FAAH2: variants seen among roughly 807,000 people sequenced by gnomAD.
FAAH2 encodes the protein fatty-acid amide hydrolase 2.
A neutral mutation model predicts 36.9 loss-of-function variants in FAAH2; 60 were observed. That is an observed-to-expected ratio of 1.63 (90% CI 1.32 to 2.02). FAAH2 has a LOEUF of 2.02. Ranked by LOEUF, FAAH2 falls within the 30% of genes most tolerant of loss-of-function variation. FAAH2 has a pLI of 0.00. For missense variants in FAAH2, 689 were observed against 397.5 expected, an observed-to-expected ratio of 1.73 and a Z score of -6.23; for synonymous variants, 214 against 143.8, an observed-to-expected ratio of 1.49 and a Z score of -3.49.
chrX:57,244,677 T>A, the FAAH2 span, among the ~76,000 whole-genome samples: 1 of 111,413 alleles, frequency 9.0e-6, no homozygotes, highest in African/African-American at 3.3e-5. Flanking sequence ...ACAAGCAAAT[T>A]CTGAGAGATT....
At chrX:57,323,253 T>G (rs961947569) in intron 3 of FAAH2, among the ~76,000 whole-genome samples, 2 of 111,820 alleles carry the variant, frequency 1.8e-5, no homozygotes, top group Admixed American at 9.5e-5. Context: ...TTTGGGTTGG[T>G]TCCAAGTCTT....
intron 3 of FAAH2, among the ~76,000 whole-genome samples, chrX:57,312,672 C>CAA (rs5902564): frequency 0.52 from 51,650 of 98,936 alleles, 13,120 homozygotes; most frequent in Non-Finnish European, 0.73. Flanking sequence ...AAAACTCCAT[C>CAA]AAAAAAAAAA....
chrX:57,409,078 G>C (rs775145183), intron 7 of FAAH2, among the ~76,000 whole-genome samples: 1 of 111,245 alleles, frequency 9.0e-6, no homozygotes, highest in South Asian at 3.7e-4. Flanking sequence ...ACTGAAAATT[G>C]TAGGCAATTT....
chrX:57,261,573 AAAG>A, the FAAH2 span, among the ~76,000 whole-genome samples: 1 of 107,924 alleles, frequency 9.3e-6, no homozygotes, highest in African/African-American at 3.3e-5. Flanking sequence ...AAAAAAAAAA[AAAG>A]AAAAAAATAA....
intron 5 of FAAH2, among the ~76,000 whole-genome samples, chrX:57,372,460 G>A (rs2054575905): frequency 9.0e-6 from 1 of 110,978 alleles, no homozygotes. Context: ...CTTCTGAGAA[G>A]CATCTGTTCA....
chrX:57,276,994 G>T, the FAAH2 span, among the ~76,000 whole-genome samples: 4 of 110,864 alleles, frequency 3.6e-5, no homozygotes, highest in African/African-American at 9.8e-5. Context: ...TCTACCAGAG[G>T]TACAAAGAGG....
intron 10 of FAAH2, among the ~76,000 whole-genome samples, chrX:57,465,253 A>T (rs1245734288): frequency 2.7e-5 from 3 of 111,481 alleles, no homozygotes; most frequent in African/African-American, 9.7e-5. Context: ...CTCAGGGACC[A>T]TTGTGATACC....
At chrX:57,321,816 T>C (rs1335491548) in intron 3 of FAAH2, among the ~76,000 whole-genome samples, 1 of 111,307 alleles carries the variant, frequency 9.0e-6, no homozygotes, top group Non-Finnish European at 1.9e-5. Context: ...ATTATGCAGA[T>C]TTGTTTGTGT....
At chrX:57,390,684 C>A (rs1301680016) in intron 7 of FAAH2, among the ~76,000 whole-genome samples, 1 of 111,671 alleles carries the variant, frequency 9.0e-6, no homozygotes, top group African/African-American at 3.2e-5. Flanking sequence ...GTATAGTATT[C>A]TGTGGTGTTT....
At chrX:57,187,497 C>A in the FAAH2 span, among the ~76,000 whole-genome samples, 1 of 111,321 alleles carries the variant, frequency 9.0e-6, no homozygotes, top group Admixed American at 9.5e-5. Flanking sequence ...AATATACAAT[C>A]ATTTTATCTT....
intron 7 of FAAH2, among the ~76,000 whole-genome samples, chrX:57,414,163 C>A (rs1459173191): frequency 8.9e-6 from 1 of 111,869 alleles, no homozygotes; most frequent in African/African-American, 3.2e-5. Flanking sequence ...CAAACAGAGA[C>A]AATTTGACAT....
At chrX:57,465,979 A>G (rs370972753) in intron 10 of FAAH2, among the ~76,000 whole-genome samples, 2 of 109,586 alleles carry the variant, frequency 1.8e-5, no homozygotes, top group African/African-American at 6.6e-5. Context: ...AATGGAATGA[A>G]GACTACTGGA....
chrX:57,326,354 T>C (rs1339241233), intron 3 of FAAH2, among the ~76,000 whole-genome samples: 5 of 114,258 alleles, frequency 4.4e-5, no homozygotes, highest in Non-Finnish European at 9.3e-5. Flanking sequence ...GTCTATTAGG[T>C]CCGCTTGGTG....
chrX:57,484,051 C>T (rs1289921449), intron 10 of FAAH2, among the ~76,000 whole-genome samples: 4 of 109,971 alleles, frequency 3.6e-5, no homozygotes, highest in East Asian at 2.9e-4. Flanking sequence ...GTGATCCACC[C>T]GCCTCGGCCT....
chrX:57,231,977 A>T, the FAAH2 span, among the ~76,000 whole-genome samples: 3 of 111,602 alleles, frequency 2.7e-5, no homozygotes, highest in Admixed American at 9.5e-5. Flanking sequence ...CTTTCATTCT[A>T]TCAATAAATT....
the FAAH2 span, among the ~76,000 whole-genome samples, chrX:57,164,105 C>T: frequency 4.5e-5 from 5 of 111,844 alleles, no homozygotes; most frequent in African/African-American, 1.6e-4. Context: ...GAACAATATA[C>T]CTGACTTTAA....
intron 7 of FAAH2, among the ~76,000 whole-genome samples, chrX:57,421,593 A>T (rs2056029284): frequency 9.0e-6 from 1 of 111,483 alleles, no homozygotes. Flanking sequence ...TCTTCTTATA[A>T]GGCCACAGTC....
At chrX:57,468,853 G>C (rs1027053829) in intron 10 of FAAH2, among the ~76,000 whole-genome samples, 1 of 111,671 alleles carries the variant, frequency 9.0e-6, no homozygotes, top group Non-Finnish European at 1.9e-5. Context: ...AGAGAGAAAG[G>C]TTGGGTTACC....
intron 3 of FAAH2, among the ~76,000 whole-genome samples, chrX:57,320,237 A>G (rs1267446300): frequency 1.8e-5 from 2 of 112,124 alleles, no homozygotes; most frequent in East Asian, 5.6e-4. Flanking sequence ...CAGGCAACCT[A>G]TAGAATGGGA....
Sources: allele counts gnomAD v4.1 joint callset (sites outside exome capture counted in the v4.1 genomes callset), GRCh38; gene constraint gnomAD v4.1.1; transcripts MANE v1.5; gene names NCBI Gene and HGNC (gene_info 2026-07-23, HGNC 2026-07-21).